Variants in DLGAP2 observed in about 807,000 individuals in gnomAD.
DLGAP2 encodes the protein DLG associated protein 2.
Under a neutral mutation model 100.3 loss-of-function variants are expected in DLGAP2, and 26 were observed. The ratio of observed to expected loss-of-function variants is 0.26; its 90% CI spans 0.19 to 0.36. DLGAP2 has a LOEUF of 0.36. DLGAP2 is among the 10% of genes least tolerant of loss of function. The probability of loss-of-function intolerance (pLI) is 1.00; values close to 1 mark genes in which losing one functional copy is unlikely to be tolerated. For missense variants in DLGAP2, 1,858 were observed against 1,453.2 expected (o/e 1.28, Z -4.53); for synonymous variants, 886 against 630.1 (o/e 1.41, Z -6.08).
intron 2 of DLGAP2, among the ~76,000 whole-genome samples, chr8:1,028,437 G>A (rs574086641): frequency 4.0e-5 from 6 of 149,368 alleles, no homozygotes; most frequent in East Asian, 4.3e-4. Flanking sequence ...GGTGTCAGGC[G>A]CCCGTTATTC....
intron 8 of DLGAP2, among the ~76,000 whole-genome samples, chr8:1,635,002 G>A (rs1474262363): frequency 6.6e-6 from 1 of 152,176 alleles, no homozygotes; most frequent in East Asian, 1.9e-4. Context: ...GCAGGGGACT[G>A]TCCAAGTTAT....
intron 3 of DLGAP2, among the ~76,000 whole-genome samples, chr8:1,352,364 TC>T (rs1302444557): frequency 2.0e-5 from 3 of 151,968 alleles, no homozygotes; most frequent in Admixed American, 6.6e-5. Flanking sequence ...CCCCAGCGAC[TC>T]CCCCTGGGGC....
rs1224102066 is a variant in DLGAP2 at position 1,698,099 on chromosome 8, G to C, written c.2949+800G>C. On this transcript the variant is annotated intron_variant, in intron 14 of 14. Coordinates refer to ENST00000637795, the MANE Select transcript of DLGAP2 (RefSeq NM_001346810.2). ...ATGCACACCTGGGTCATGAGAACGA[G>C]AGCCAGATCTAGTGGTCATCATCAT... Among the ~76,000 whole-genome samples, 3 of 152,378 alleles carry C rather than the reference G, an allele frequency of 2.0e-5. No homozygotes were observed. The South Asian group carries it at 6.2e-4, about 32-fold the overall frequency.
chr8:1,097,707 G>A (rs1391110364), intron 2 of DLGAP2, among the ~76,000 whole-genome samples: 2 of 135,632 alleles, frequency 1.5e-5, no homozygotes, highest in Non-Finnish European at 3.1e-5. Flanking sequence ...TCCAGTGTGA[G>A]ACCCAGCTCC....
chr8:1,630,937 G>T (rs1416397338), intron 7 of DLGAP2, among the ~76,000 whole-genome samples: 1 of 146,020 alleles, frequency 6.8e-6, no homozygotes, highest in African/African-American at 2.5e-5. Context: ...GTGTCCCGAG[G>T]GTCTCGGCGG....
At chr8:1,107,552 A>G (rs1029385034) in intron 2 of DLGAP2, among the ~76,000 whole-genome samples, 2 of 152,096 alleles carry the variant, frequency 1.3e-5, no homozygotes, top group Non-Finnish European at 2.9e-5. Flanking sequence ...GTGTGCTGTT[A>G]TTTTCCAGCG....
At chr8:1,522,377 T>A (rs907750416) in intron 4 of DLGAP2, among the ~76,000 whole-genome samples, 5 of 152,312 alleles carry the variant, frequency 3.3e-5, no homozygotes, top group Middle Eastern at 3.4e-3. Flanking sequence ...CTGGCAGGTG[T>A]GCAGCAGCCG....
intron 1 of DLGAP2, among the ~76,000 whole-genome samples, chr8:795,021 G>A (rs988183846): frequency 1.3e-5 from 2 of 152,148 alleles, no homozygotes; most frequent in African/African-American, 4.8e-5. Context: ...ATTTAGTTTG[G>A]GAGAGAAAAG....
At chr8:1,008,091 T>G (rs916104242) in intron 2 of DLGAP2, among the ~76,000 whole-genome samples, 1 of 152,218 alleles carries the variant, frequency 6.6e-6, no homozygotes, top group Non-Finnish European at 1.5e-5. Flanking sequence ...TATTTTCTTT[T>G]TCATCCAAAT....
intron 2 of DLGAP2, among the ~76,000 whole-genome samples, chr8:1,020,200 A>C (rs1412128720): frequency 1.3e-5 from 2 of 152,226 alleles, no homozygotes; most frequent in Admixed American, 1.3e-4. Context: ...TGTTTCTACA[A>C]GGAAGCCATC....
intron 3 of DLGAP2, among the ~76,000 whole-genome samples, chr8:1,314,070 G>A (rs1199165730): frequency 6.6e-6 from 1 of 152,198 alleles, no homozygotes; most frequent in South Asian, 2.1e-4. Flanking sequence ...GTTATCCACT[G>A]TAAATGAGTT....
At chr8:971,669 T>C (rs1279376954) in intron 2 of DLGAP2, among the ~76,000 whole-genome samples, 2 of 152,356 alleles carry the variant, frequency 1.3e-5, no homozygotes, top group East Asian at 3.9e-4. Context: ...AATACCCGCA[T>C]ACTTCTGCCA....
At position 955,414 on chromosome 8, in the gene DLGAP2, C is replaced by T. The variant is rs112053395; in HGVS notation, c.73+47448C>T. Among the ~76,000 whole-genome samples, 292 of 152,224 alleles carry T rather than the reference C, an allele frequency of 1.9e-3. 2 individuals carry two copies. Among genetic ancestry groups the T allele is most frequent in the African/African-American group, 6.4e-3 (267 of 41,548 alleles). ...GAATCTTGTGTGTCCATTCATCCTC[C>T]TCCCTCCTCCCCACTGCTGCCTGCC... On this transcript the variant is annotated intron_variant, in intron 2 of 14. Coordinates refer to ENST00000637795, the MANE Select transcript of DLGAP2 (RefSeq NM_001346810.2).
At chr8:1,646,083 T>C (rs1470717287) in intron 8 of DLGAP2, among the ~76,000 whole-genome samples, 2 of 152,164 alleles carry the variant, frequency 1.3e-5, no homozygotes, top group Admixed American at 6.5e-5. Context: ...TTAAACATTA[T>C]TGTGGGTGTG....
At chr8:1,060,965 C>T (rs17065653) in intron 2 of DLGAP2, among the ~76,000 whole-genome samples, 9,486 of 152,214 alleles carry the variant, frequency 0.062, 947 homozygotes, top group African/African-American at 0.21. Context: ...GTTGATATTT[C>T]GATGTTGTGT....
intron 3 of DLGAP2, chr8:1,302,048 C>G (rs947515323): frequency 6.6e-6 from 1 of 152,308 alleles, no homozygotes; most frequent in Non-Finnish European, 1.5e-5. Flanking sequence ...CTTTTCCAAC[C>G]TGTGTGTGCT....
chr8:1,127,719 C>T lies in DLGAP2; in HGVS notation c.74-131132C>T, dbSNP rs1040453565. On this transcript the variant is annotated intron_variant, in intron 2 of 14. Coordinates refer to ENST00000637795, the MANE Select transcript of DLGAP2 (RefSeq NM_001346810.2). ...CGGCATTAACAGAAAACCTTGGAAACTGCAGCTTTCAAGAAAACACTAAGG... is the reference window on the plus strand; with the variant it reads ...CGGCATTAACAGAAAACCTTGGAAATTGCAGCTTTCAAGAAAACACTAAGG... Among the ~76,000 whole-genome samples the T allele has an allele frequency of 3.9e-5, 6 of 152,208 alleles. No homozygotes were observed. The East Asian group carries it at 7.7e-4, about 20-fold the overall frequency.
chr8:1,032,997 C>T (rs1802016893), intron 2 of DLGAP2: 1 of 152,264 alleles, frequency 6.6e-6, no homozygotes, highest in Admixed American at 6.5e-5. Context: ...TCGTGGGTAA[C>T]TAGCACTGGA....
chr8:1,435,628 G>A (rs964270986), intron 3 of DLGAP2, among the ~76,000 whole-genome samples: 4 of 151,792 alleles, frequency 2.6e-5, no homozygotes, highest in Non-Finnish European at 5.9e-5. Context: ...TTATTTTAGA[G>A]TGCGCTCCTT....
Sources: gnomAD v4.1 joint callset for allele counts (sites outside exome capture counted in the v4.1 genomes callset) on GRCh38, gnomAD v4.1.1 for gene constraint, MANE v1.5 for transcripts, NCBI Gene and HGNC (gene_info 2026-07-23, HGNC 2026-07-21) for gene names.